The following ZNF423 variants were observed in gnomAD, a reference collection of about 807,000 sequenced individuals.
ZNF423 encodes zinc finger protein 423.
ZNF423 carries 12 observed loss-of-function variants against 95.8 expected under a neutral mutation model. That is an observed-to-expected ratio of 0.13 (90% CI 0.08 to 0.20). The LOEUF (loss-of-function observed/expected upper bound fraction) is 0.20, where lower values mean the gene tolerates loss of function less well. Among genes scored for constraint, ZNF423 ranks in the 10% least tolerant of loss-of-function variants. ZNF423 has a pLI of 1.00. For missense variants in ZNF423, 1,316 were observed against 1,737.1 expected (o/e 0.76, Z 4.31); for synonymous variants, 749 against 711.9 (o/e 1.05, Z -0.83).
At chr16:49,560,355 A>C (rs1969974904) in intron 5 of ZNF423, among the ~76,000 whole-genome samples, 1 of 152,214 alleles carries the variant, frequency 6.6e-6, no homozygotes. Flanking sequence ...TCTTTCAAAA[A>C]GGCCGAAGTT....
intron 2 of ZNF423, among the ~76,000 whole-genome samples, chr16:49,784,773 A>G (rs2034282540): frequency 6.6e-6 from 1 of 152,092 alleles, no homozygotes; most frequent in Admixed American, 6.5e-5. Flanking sequence ...AACATGGTGA[A>G]ACCCTGTCTC....
chr16:49,705,988 C>G (rs1488644626), intron 3 of ZNF423, among the ~76,000 whole-genome samples: 2 of 152,042 alleles, frequency 1.3e-5, no homozygotes, highest in Non-Finnish European at 2.9e-5. Context: ...GGAAAGGCTT[C>G]CAGGAAGACT....
chr16:49,816,429 A>G (rs2034857013), intron 1 of ZNF423, among the ~76,000 whole-genome samples: 1 of 152,174 alleles, frequency 6.6e-6, no homozygotes, highest in Admixed American at 6.5e-5. Flanking sequence ...CCAGGTGACT[A>G]AAATTCCACC....
intron 3 of ZNF423, among the ~76,000 whole-genome samples, chr16:49,705,512 G>A (rs1349344364): frequency 6.6e-6 from 1 of 152,180 alleles, no homozygotes; most frequent in Non-Finnish European, 1.5e-5. Flanking sequence ...TCACTTCTCT[G>A]TACTTAATAG....
At chr16:49,659,641 T>G (rs1159255222) in intron 3 of ZNF423, among the ~76,000 whole-genome samples, 2 of 152,128 alleles carry the variant, frequency 1.3e-5, no homozygotes, top group African/African-American at 4.8e-5. Flanking sequence ...GGAGGCCGGG[T>G]GGACAGTGTA....
intron 2 of ZNF423, among the ~76,000 whole-genome samples, chr16:49,770,167 A>G (rs2034006886): frequency 1.3e-5 from 2 of 151,328 alleles, no homozygotes. Context: ...GGTGCTCAAT[A>G]ATATCTGTGA....
chr16:49,664,381 G>A, intron 3 of ZNF423: 1 of 754,414 alleles, frequency 1.3e-6, no homozygotes, highest in Non-Finnish European at 1.6e-6. Context: ...AAAAGGCACA[G>A]ATGGGGAGGG....
chr16:49,783,968 CAAA>C (rs57994963), intron 2 of ZNF423, among the ~76,000 whole-genome samples: 6 of 87,716 alleles, frequency 6.8e-5, no homozygotes, highest in Admixed American at 1.2e-4. Flanking sequence ...GACTCCAACT[CAAA>C]AAAAAAAAAA....
intron 3 of ZNF423, among the ~76,000 whole-genome samples, chr16:49,681,919 C>T (rs899871663): frequency 2.0e-5 from 3 of 152,162 alleles, no homozygotes; most frequent in Non-Finnish European, 4.4e-5. Context: ...GCACGCACCA[C>T]CATGCCCAAC....
chr16:49,596,495 C>T (rs1264243811), intron 5 of ZNF423, among the ~76,000 whole-genome samples: 1 of 152,184 alleles, frequency 6.6e-6, no homozygotes, highest in African/African-American at 2.4e-5. Flanking sequence ...GCAAATCTTG[C>T]TGTAAATATT....
intron 5 of ZNF423, among the ~76,000 whole-genome samples, chr16:49,621,061 T>C (rs1372283334): frequency 6.6e-6 from 1 of 152,132 alleles, no homozygotes; most frequent in African/African-American, 2.4e-5. Context: ...GGCAGGGGCC[T>C]CCTGCAGAGC....
chr16:49,518,785 TG>T (rs1968265176), intron 7 of ZNF423, among the ~76,000 whole-genome samples: 2 of 152,214 alleles, frequency 1.3e-5, no homozygotes, highest in East Asian at 3.8e-4. Flanking sequence ...CCAGGGACAG[TG>T]GCTCACGCCT....
At chr16:49,579,401 C>A (rs1238754995) in intron 5 of ZNF423, among the ~76,000 whole-genome samples, 1 of 152,176 alleles carries the variant, frequency 6.6e-6, no homozygotes, top group Non-Finnish European at 1.5e-5. Context: ...CTTCCCTCCG[C>A]TCCTTAGTCC....
intron 3 of ZNF423, among the ~76,000 whole-genome samples, chr16:49,680,808 G>A (rs150985033): frequency 1.3e-5 from 2 of 152,298 alleles, no homozygotes; most frequent in Admixed American, 6.5e-5. Flanking sequence ...AGCATGAGCC[G>A]AGCACAGCCT....
rs963986414 is a variant in ZNF423 at position 49,855,509 on chromosome 16, C to G, written c.40+226G>C. On this transcript the variant is annotated intron_variant, in intron 1 of 7. Transcript: ENST00000563137. This position sits in a 1 kb window ranked among gnomAD's most constrained non-coding sequence, Gnocchi z 4.7. ...CAGGGAGGGTGTCCGCGGCGTACCCCCTCCGCCGCCGCCGCCGCCGCCGCC... is the reference window on the plus strand; with the variant it reads ...CAGGGAGGGTGTCCGCGGCGTACCCGCTCCGCCGCCGCCGCCGCCGCCGCC... Among the ~76,000 whole-genome samples, 22 of 105,732 alleles carry G rather than the reference C, an allele frequency of 2.1e-4. No individual in the cohort carries two copies. Among genetic ancestry groups the G allele is most frequent in the South Asian group, 3.5e-4 (1 of 2,892 alleles). 69.4% of individuals were successfully genotyped at this position (105,732 alleles called of 152,430 possible). A position where few individuals can be genotyped will look rare whatever the true frequency, so the allele number is the denominator to read the frequency against.
chr16:49,785,225 T>C (rs2034291836), intron 2 of ZNF423, among the ~76,000 whole-genome samples: 2 of 151,974 alleles, frequency 1.3e-5, no homozygotes, highest in African/African-American at 2.4e-5. Context: ...TACAGGTGCA[T>C]GCCACCATGC....
chr16:49,815,893 TATATATATATATATATATA>T (rs2034838340), intron 1 of ZNF423, among the ~76,000 whole-genome samples: 1 of 45,818 alleles, frequency 2.2e-5, no homozygotes, highest in African/African-American at 1.0e-4. Context: ...TATATATATA[TATATATATATATATATATA>T]TATTTTTTTT....
chr16:49,488,593 A>T lies in ZNF423; in HGVS notation c.*2682T>A, dbSNP rs1966877576. 6.6e-6 allele frequency: 1 copy of T among 152,160 alleles called. No individual in the cohort carries two copies. The highest frequency in any genetic ancestry group is 1.5e-5 in the Non-Finnish European group (1 of 68,048). 9.4% of individuals were successfully genotyped at this position (152,160 alleles called of 1,614,324 possible). ...AGGATGCCTGGCACCATCATTGATG[A>T]CCATGCTGCTTACAGGTCTCTGTGT... On this transcript the variant is annotated 3_prime_UTR_variant, in exon 8 of 8. Coordinates refer to ENST00000563137, the MANE Select transcript of ZNF423 (RefSeq NM_001379286.1).
chr16:49,696,115 C>T (rs2031960527), intron 3 of ZNF423, among the ~76,000 whole-genome samples: 1 of 152,210 alleles, frequency 6.6e-6, no homozygotes, highest in Non-Finnish European at 1.5e-5. Flanking sequence ...CTCACTGTTA[C>T]TGTGAGAACC....
Sources: allele counts gnomAD v4.1 joint callset (sites outside exome capture counted in the v4.1 genomes callset), GRCh38; gene constraint gnomAD v4.1.1; non-coding constraint Gnocchi (gnomAD v3.1); transcripts MANE v1.5; gene names NCBI Gene and HGNC (gene_info 2026-07-23, HGNC 2026-07-21).